ROBO1: variants seen among roughly 807,000 people sequenced by gnomAD.
ROBO1 encodes roundabout guidance receptor 1.
Under a neutral mutation model 195.9 loss-of-function variants are expected in ROBO1, and 149 were observed. That is an observed-to-expected ratio of 0.76 (90% CI 0.67 to 0.87). ROBO1 has a LOEUF of 0.87. ROBO1 is among the 40% of genes least tolerant of loss of function. The pLI, the probability that ROBO1 is intolerant of heterozygous loss-of-function variation, is 0.00. For synonymous variants in ROBO1, 816 were observed against 733.2 expected, an observed-to-expected ratio of 1.11 and a Z score of -1.82; for missense variants, 1,933 against 2,068.3, an observed-to-expected ratio of 0.93 and a Z score of 1.27.
At chr3:79,145,885 G>A (rs1029752734) in intron 2 of ROBO1, among the ~76,000 whole-genome samples, 10 of 151,942 alleles carry the variant, frequency 6.6e-5, no homozygotes, top group African/African-American at 7.2e-5. Context: ...GAAATAGATG[G>A]TGACTGAGAT....
intron 22 of ROBO1, among the ~76,000 whole-genome samples, chr3:78,637,181 T>A (rs931403532): frequency 6.6e-6 from 1 of 151,908 alleles, no homozygotes; most frequent in Non-Finnish European, 1.5e-5. Flanking sequence ...AATTAACATG[T>A]TTGTTACTAA....
At chr3:79,356,756 G>A (rs934571047) in intron 2 of ROBO1, among the ~76,000 whole-genome samples, 1 of 152,140 alleles carries the variant, frequency 6.6e-6, no homozygotes, top group Non-Finnish European at 1.5e-5. Flanking sequence ...GTGCTAGTGT[G>A]TAGTTTGTAT....
chr3:79,584,610 A>AGTGTGTGT lies in ROBO1; in HGVS notation c.88+5206_88+5213dup, dbSNP rs143360306. 1.3e-3 allele frequency among the ~76,000 whole-genome samples: 167 copies of AGTGTGTGT among 131,768 alleles called. 1 individual carries two copies. Among genetic ancestry groups the AGTGTGTGT allele is most frequent in the African/African-American group, 5.1e-3 (163 of 31,900 alleles). 86.4% of individuals were successfully genotyped at this position (131,768 alleles called of 152,430 possible). A position where few individuals can be genotyped will look rare whatever the true frequency, so the allele number is the denominator to read the frequency against. ...GACCTCCATGATTTGTAGGTGGGTG[A>AGTGTGTGT]GTGTGTGTGTGTGTGTGTGTGTGTG... On this transcript the variant is annotated intron_variant, in intron 2 of 30. Transcript: ENST00000464233.
At chr3:79,395,340 A>AAAAAAAAAAGAAAGAAAGAAAG (rs71631648) in intron 2 of ROBO1, among the ~76,000 whole-genome samples, 2 of 119,056 alleles carry the variant, frequency 1.7e-5, no homozygotes, top group African/African-American at 6.2e-5. Context: ...AAAAAAAAAA[A>AAAAAAAAAAGAAAGAAAGAAAG]AAAGAAAGAA....
chr3:79,527,956 G>A (rs1941501734), intron 2 of ROBO1: 1 of 152,288 alleles, frequency 6.6e-6, no homozygotes, highest in South Asian at 2.1e-4. Flanking sequence ...TCTACAAGGT[G>A]TGTGTGAATA....
chr3:78,884,750 A>G (rs2036438172), intron 4 of ROBO1, among the ~76,000 whole-genome samples: 1 of 149,392 alleles, frequency 6.7e-6, no homozygotes, highest in South Asian at 2.1e-4. Context: ...AAGAAAGGAA[A>G]GAAAGAAAGA....
chr3:79,762,016 T>G (rs964160204), intron 1 of ROBO1, among the ~76,000 whole-genome samples: 2 of 152,188 alleles, frequency 1.3e-5, no homozygotes, highest in Non-Finnish European at 2.9e-5. Flanking sequence ...TAAGATTTAT[T>G]TGGTTCAATG....
chr3:79,434,897 G>A (rs1030670239), intron 2 of ROBO1, among the ~76,000 whole-genome samples: 1 of 152,120 alleles, frequency 6.6e-6, no homozygotes, highest in Non-Finnish European at 1.5e-5. Flanking sequence ...AAAATGATGA[G>A]TTCATATCCT....
intron 2 of ROBO1, among the ~76,000 whole-genome samples, chr3:79,332,581 G>A (rs1165115106): frequency 1.3e-5 from 2 of 152,090 alleles, no homozygotes; most frequent in African/African-American, 4.8e-5. Flanking sequence ...CTAGAATCAT[G>A]GCGAGCATTT....
chr3:79,231,007 G>T (rs960291319), intron 2 of ROBO1, among the ~76,000 whole-genome samples: 1 of 152,114 alleles, frequency 6.6e-6, no homozygotes, highest in Non-Finnish European at 1.5e-5. Context: ...TGGGATAACT[G>T]ACTAGCTGTA....
chr3:79,302,384 A>G (rs1349554705), intron 2 of ROBO1, among the ~76,000 whole-genome samples: 1 of 152,190 alleles, frequency 6.6e-6, no homozygotes, highest in Admixed American at 6.5e-5. Flanking sequence ...ATTTGTTTCT[A>G]TTTGGTCCAT....
intron 2 of ROBO1, among the ~76,000 whole-genome samples, chr3:79,502,694 G>A (rs1940158780): frequency 1.7e-5 from 1 of 59,082 alleles, no homozygotes; most frequent in East Asian, 4.5e-4. Context: ...TGAGTCTAGT[G>A]GGGACTTGGA....
intron 4 of ROBO1, among the ~76,000 whole-genome samples, chr3:78,822,727 A>G (rs1218151312): frequency 6.6e-6 from 1 of 152,254 alleles, no homozygotes; most frequent in East Asian, 1.9e-4. Context: ...CTAGCCACAG[A>G]AAATGGAAAA....
chr3:79,715,328 C>G (rs1304181356), intron 1 of ROBO1, among the ~76,000 whole-genome samples: 3 of 152,062 alleles, frequency 2.0e-5, no homozygotes, highest in Non-Finnish European at 4.4e-5. Context: ...AAGAGCCAAT[C>G]AATGCAGCAA....
intron 2 of ROBO1, among the ~76,000 whole-genome samples, chr3:79,309,386 C>T (rs1003523514): frequency 1.3e-5 from 2 of 152,144 alleles, no homozygotes; most frequent in South Asian, 4.1e-4. Flanking sequence ...CTGGGCAACA[C>T]GGTGAAACCC....
intron 2 of ROBO1, among the ~76,000 whole-genome samples, chr3:79,355,690 C>T (rs548932525): frequency 6.6e-6 from 1 of 152,148 alleles, no homozygotes; most frequent in Non-Finnish European, 1.5e-5. Flanking sequence ...CTTATTCCAC[C>T]GAAAATAATG....
At chr3:79,111,717 A>C (rs1387729021) in intron 3 of ROBO1, among the ~76,000 whole-genome samples, 1 of 152,210 alleles carries the variant, frequency 6.6e-6, no homozygotes, top group Non-Finnish European at 1.5e-5. Context: ...AAAGAAGAAA[A>C]TAATTTTAAA....
chr3:79,098,958 A>T (rs998313749), intron 3 of ROBO1, among the ~76,000 whole-genome samples: 2 of 151,700 alleles, frequency 1.3e-5, no homozygotes, highest in Non-Finnish European at 2.9e-5. Context: ...TGGGTGATCA[A>T]TGTATTATAT....
At chr3:78,781,326 C>A (rs2083671473) in intron 4 of ROBO1, among the ~76,000 whole-genome samples, 1 of 152,124 alleles carries the variant, frequency 6.6e-6, no homozygotes, top group Non-Finnish European at 1.5e-5. Context: ...TAGATGCTAG[C>A]CAACTTCTTC....
Sources: gnomAD v4.1 joint callset for allele counts (sites outside exome capture counted in the v4.1 genomes callset) on GRCh38, gnomAD v4.1.1 for gene constraint, MANE v1.5 for transcripts, NCBI Gene and HGNC (gene_info 2026-07-23, HGNC 2026-07-21) for gene names.